CCSER1: variants seen among roughly 807,000 people sequenced by gnomAD.
CCSER1 encodes the protein serine-rich coiled-coil domain-containing protein 1.
CCSER1 carries 41 observed loss-of-function variants against 82.0 expected under a neutral mutation model. That is an observed-to-expected ratio of 0.50 (90% confidence interval 0.39 to 0.65). The LOEUF (loss-of-function observed/expected upper bound fraction) is 0.65, where lower values mean the gene tolerates loss of function less well. CCSER1 is among the 30% of genes least tolerant of loss of function. The pLI is 0.00. For missense variants in CCSER1, 1,119 were observed against 1,064.2 expected, an observed-to-expected ratio of 1.05 and a Z score of -0.72; for synonymous variants, 414 against 383.9, an observed-to-expected ratio of 1.08 and a Z score of -0.92.
At chr4:91,395,543 A>G (rs1050195963) in intron 10 of CCSER1, among the ~76,000 whole-genome samples, 2 of 152,016 alleles carry the variant, frequency 1.3e-5, no homozygotes, top group Admixed American at 1.3e-4. Flanking sequence ...GTGTCAACTG[A>G]AGGATGTGGG....
chr4:90,514,145 A>T (rs1199870423), intron 5 of CCSER1, among the ~76,000 whole-genome samples: 1 of 152,142 alleles, frequency 6.6e-6, no homozygotes, highest in Non-Finnish European at 1.5e-5. Context: ...TGGTTTTAGA[A>T]ATTCAGCAGG....
At chr4:91,174,170 A>G (rs186959927) in intron 10 of CCSER1, among the ~76,000 whole-genome samples, 63 of 152,330 alleles carry the variant, frequency 4.1e-4, no homozygotes, top group African/African-American at 1.4e-3. Flanking sequence ...AACTGTTTAA[A>G]GAGTTAAATC....
At chr4:90,431,307 C>T (rs560647631) in intron 4 of CCSER1, among the ~76,000 whole-genome samples, 100 of 152,142 alleles carry the variant, frequency 6.6e-4, no homozygotes, top group African/African-American at 2.3e-3. Context: ...TGTTGTCTAG[C>T]TCTGTAGAGG....
intron 1 of CCSER1, among the ~76,000 whole-genome samples, chr4:90,283,641 C>G (rs76840206): frequency 6.6e-6 from 1 of 151,936 alleles, no homozygotes; most frequent in East Asian, 1.9e-4. Context: ...TTGTACTCAT[C>G]GAGCAATCCC....
At chr4:91,458,263 T>C (rs965119769) in intron 10 of CCSER1, among the ~76,000 whole-genome samples, 1 of 152,162 alleles carries the variant, frequency 6.6e-6, no homozygotes, top group Non-Finnish European at 1.5e-5. Flanking sequence ...TCTTCCCCAA[T>C]GTCCTTTCCC....
chr4:91,149,487 A>G (rs1729911429), intron 10 of CCSER1, among the ~76,000 whole-genome samples: 1 of 152,180 alleles, frequency 6.6e-6, no homozygotes, highest in Admixed American at 6.5e-5. Flanking sequence ...GTATAATTAG[A>G]TCCCATTTGT....
intron 10 of CCSER1, among the ~76,000 whole-genome samples, chr4:91,136,404 G>C (rs1010941141): frequency 6.6e-6 from 1 of 152,086 alleles, no homozygotes; most frequent in Non-Finnish European, 1.5e-5. Context: ...TGTTTTAATT[G>C]CCTGTTTACT....
intron 6 of CCSER1, among the ~76,000 whole-genome samples, chr4:90,720,112 T>C (rs1580137040): frequency 6.6e-6 from 1 of 152,154 alleles, no homozygotes; most frequent in African/African-American, 2.4e-5. Context: ...TTCTTTCGTG[T>C]TGAGTTCTTT....
chr4:91,052,791 T>G (rs909253100), intron 9 of CCSER1, among the ~76,000 whole-genome samples: 5 of 152,180 alleles, frequency 3.3e-5, no homozygotes, highest in Admixed American at 6.6e-5. Flanking sequence ...ATGGATTTAC[T>G]CTAAACAGTA....
intron 10 of CCSER1, among the ~76,000 whole-genome samples, chr4:91,488,001 T>A (rs1758313152): frequency 6.6e-6 from 1 of 152,018 alleles, no homozygotes; most frequent in African/African-American, 2.4e-5. Context: ...TTAAATACGA[T>A]CATTTGAAAT....
intron 5 of CCSER1, among the ~76,000 whole-genome samples, chr4:90,474,291 A>G (rs544770713): frequency 3.2e-4 from 48 of 152,318 alleles, no homozygotes; most frequent in African/African-American, 1.1e-3. Flanking sequence ...TCCACAGGCT[A>G]TTAGTTAACT....
chr4:90,543,047 C>A (rs750496367), intron 5 of CCSER1, among the ~76,000 whole-genome samples: 2 of 152,102 alleles, frequency 1.3e-5, no homozygotes, highest in Admixed American at 6.6e-5. Flanking sequence ...ATTTACCTGA[C>A]TGACATTTGC....
intron 3 of CCSER1, among the ~76,000 whole-genome samples, chr4:90,333,367 C>T (rs17814144): frequency 0.2 from 29,594 of 151,730 alleles, 3,427 homozygotes; most frequent in South Asian, 0.34. Flanking sequence ...ATAGCACTAA[C>T]CAGGAATTAG....
At chr4:91,528,889 A>C (rs1760896005) in intron 10 of CCSER1, among the ~76,000 whole-genome samples, 1 of 152,236 alleles carries the variant, frequency 6.6e-6, no homozygotes. Context: ...CATACATCCC[A>C]GGACTTCTGG....
chr4:91,521,618 C>A (rs1307055378), intron 10 of CCSER1, among the ~76,000 whole-genome samples: 1 of 152,206 alleles, frequency 6.6e-6, no homozygotes, highest in Non-Finnish European at 1.5e-5. Context: ...ATTTGCATTT[C>A]TCTGATGACC....
intron 4 of CCSER1, among the ~76,000 whole-genome samples, chr4:90,441,059 A>G (rs1396250376): frequency 2.6e-5 from 4 of 152,328 alleles, no homozygotes; most frequent in Middle Eastern, 3.4e-3. Context: ...GCCATTAGTT[A>G]GATTTAAGTG....
At chr4:91,528,826 A>G (rs7680125) in intron 10 of CCSER1, among the ~76,000 whole-genome samples, 6,335 of 152,242 alleles carry the variant, frequency 0.042, 281 homozygotes, top group African/African-American at 0.11. Context: ...TAATAAATAC[A>G]TCATTCAGAG....
At chr4:90,322,699 TTTA>T (rs1412859830) in intron 3 of CCSER1, among the ~76,000 whole-genome samples, 2 of 152,200 alleles carry the variant, frequency 1.3e-5, no homozygotes, top group Admixed American at 1.3e-4. Flanking sequence ...GTTTACATAT[TTTA>T]TTATTATTGC....
Position 91,173,583 on chromosome 4 carries a change from G to A in CCSER1, c.2217+87589G>A, listed in dbSNP as rs567867970. Among the ~76,000 whole-genome samples, 53 of 116,822 alleles carry A rather than the reference G, an allele frequency of 4.5e-4. 2 individuals are homozygous for A. The South Asian group carries it at 0.016, about 34-fold the overall frequency. The allele number at this position is 116,822 out of a possible 152,430, so 76.6% of individuals were successfully genotyped here. ...CACTCCAGCCTGGGCGACAGAGTGA[G>A]ACTCCGTCTCAAAAAAAAAAAAAAA... On this transcript the variant is annotated intron_variant, in intron 10 of 10. Coordinates refer to ENST00000509176, the MANE Select transcript of CCSER1 (RefSeq NM_001145065.2).
Sources: gnomAD v4.1 joint callset for allele counts (sites outside exome capture counted in the v4.1 genomes callset) on GRCh38, gnomAD v4.1.1 for gene constraint, MANE v1.5 for transcripts, NCBI Gene and HGNC (gene_info 2026-07-23, HGNC 2026-07-21) for gene names.